The following CWC27 variants were observed in gnomAD, a reference collection of about 807,000 sequenced individuals.
The protein encoded by CWC27 is CWC27 spliceosome associated cyclophilin.
A neutral mutation model predicts 63.6 loss-of-function variants in CWC27; 47 were observed. That is an observed-to-expected ratio of 0.74 (90% CI 0.58 to 0.94). CWC27 has a LOEUF of 0.94. Ranked by LOEUF, CWC27 falls within the 40% of genes least tolerant of loss-of-function variation. The pLI, the probability that CWC27 is intolerant of heterozygous loss-of-function variation, is 0.00. For synonymous variants in CWC27, 175 were observed against 179.8 expected (o/e 0.97, Z 0.22); for missense variants, 495 against 554.3 (o/e 0.89, Z 1.07).
At chr5:64,791,813 T>C (rs1370533493) in intron 7 of CWC27, among the ~76,000 whole-genome samples, 1 of 152,170 alleles carries the variant, frequency 6.6e-6, no homozygotes, top group African/African-American at 2.4e-5. Context: ...TATTCCCTAG[T>C]GTCAATATCT....
intron 10 of CWC27, among the ~76,000 whole-genome samples, chr5:64,847,964 A>T (rs941267606): frequency 6.6e-6 from 1 of 152,058 alleles, no homozygotes; most frequent in African/African-American, 2.4e-5. Flanking sequence ...ACTCAAGGAA[A>T]TAGGAAAAAG....
intron 10 of CWC27, among the ~76,000 whole-genome samples, chr5:64,831,409 T>C (rs1436711667): frequency 6.6e-6 from 1 of 151,592 alleles, no homozygotes; most frequent in African/African-American, 2.4e-5. Context: ...TTCTTAAAGT[T>C]TTTGGCCTCA....
At chr5:64,800,193 A>T in intron 7 of CWC27, 55 bp from the exon 8 acceptor site, 1 of 1,190,460 alleles carries the variant, frequency 8.4e-7, no homozygotes, top group Non-Finnish European at 1.2e-6. Context: ...TTAACTTGTT[A>T]TTTAGGAATA....
intron 13 of CWC27, among the ~76,000 whole-genome samples, chr5:65,014,048 C>G (rs1220519788): frequency 2.0e-5 from 3 of 151,768 alleles, no homozygotes; most frequent in Non-Finnish European, 4.4e-5. Context: ...CAGTCAAGGT[C>G]TAGTCCTTTT....
intron 11 of CWC27, among the ~76,000 whole-genome samples, chr5:64,919,234 A>T (rs887984627): frequency 6.6e-6 from 1 of 152,230 alleles, no homozygotes. Context: ...ATTTGGGCCC[A>T]GTAAATTTGT....
At chr5:64,932,840 A>G (rs1748265561) in intron 11 of CWC27, among the ~76,000 whole-genome samples, 1 of 152,132 alleles carries the variant, frequency 6.6e-6, no homozygotes, top group Admixed American at 6.5e-5. Context: ...TCCTTTTTTG[A>G]CAGTATAATA....
intron 7 of CWC27, among the ~76,000 whole-genome samples, chr5:64,798,038 A>G (rs535576346): frequency 2.0e-5 from 3 of 152,270 alleles, no homozygotes; most frequent in Non-Finnish European, 4.4e-5. Context: ...ATATAGGACT[A>G]TTTCTGAAGG....
chr5:64,919,154 A>T (rs191192600), intron 11 of CWC27, among the ~76,000 whole-genome samples: 217 of 152,300 alleles, frequency 1.4e-3, no homozygotes, highest in African/African-American at 5.0e-3. Flanking sequence ...TTGTGTTTCT[A>T]TATGTATGTG....
chr5:65,018,037 C>A, intron 13 of CWC27, 122 bp from the exon 14 acceptor site: 1 of 890,730 alleles, frequency 1.1e-6, no homozygotes, highest in South Asian at 2.4e-5. Flanking sequence ...CACCAGTAAA[C>A]AACAAACCCA....
At chr5:64,861,243 G>T (rs1400850808) in intron 10 of CWC27, among the ~76,000 whole-genome samples, 1 of 151,604 alleles carries the variant, frequency 6.6e-6, no homozygotes, top group Non-Finnish European at 1.5e-5. Context: ...CAGTTATCAA[G>T]CCTCTTCTTA....
intron 13 of CWC27, among the ~76,000 whole-genome samples, chr5:64,986,732 C>T (rs143287532): frequency 6.6e-6 from 1 of 151,656 alleles, no homozygotes; most frequent in African/African-American, 2.4e-5. Context: ...TCATGCTAAT[C>T]CACACTCAGC....
intron 13 of CWC27, among the ~76,000 whole-genome samples, chr5:65,006,227 A>C (rs1337084845): frequency 6.6e-6 from 1 of 152,178 alleles, no homozygotes; most frequent in Non-Finnish European, 1.5e-5. Flanking sequence ...TTTCCAGTGA[A>C]CTAGGAATCT....
chr5:64,825,721 G>T (rs1236667263), intron 10 of CWC27, among the ~76,000 whole-genome samples: 2 of 152,140 alleles, frequency 1.3e-5, no homozygotes, highest in South Asian at 2.1e-4. Context: ...TTGATATGTT[G>T]TTAGGATGGT....
intron 10 of CWC27, among the ~76,000 whole-genome samples, chr5:64,854,015 T>C (rs984309490): frequency 6.6e-6 from 1 of 152,216 alleles, no homozygotes; most frequent in Non-Finnish European, 1.5e-5. Context: ...CTACTTTCTG[T>C]TTCTATTAAT....
chr5:64,889,003 G>T (rs1471398870), intron 11 of CWC27, among the ~76,000 whole-genome samples: 3 of 152,138 alleles, frequency 2.0e-5, no homozygotes, highest in Non-Finnish European at 4.4e-5. Context: ...TACTACTTCT[G>T]TGGTAATCTT....
At chr5:64,885,685 C>T (rs1373231390) in intron 11 of CWC27, 139 bp downstream of exon 11, 6 of 410,552 alleles carry the variant, frequency 1.5e-5, no homozygotes, top group Non-Finnish European at 2.7e-5. Flanking sequence ...TCTTTCCCTC[C>T]CTCTTGAGTT....
intron 10 of CWC27, among the ~76,000 whole-genome samples, chr5:64,842,487 A>G (rs1745871170): frequency 6.6e-6 from 1 of 152,032 alleles, no homozygotes; most frequent in South Asian, 2.1e-4. Flanking sequence ...TATTTTTAGT[A>G]GAGACGAGAT....
At chr5:64,815,206 G>A (rs1425325501) in intron 10 of CWC27, among the ~76,000 whole-genome samples, 3 of 152,024 alleles carry the variant, frequency 2.0e-5, no homozygotes, top group Non-Finnish European at 4.4e-5. Context: ...GCTATATTAG[G>A]TTATGCACCC....
intron 10 of CWC27, among the ~76,000 whole-genome samples, chr5:64,883,557 C>T (rs1184843667): frequency 1.3e-5 from 2 of 151,806 alleles, no homozygotes; most frequent in Non-Finnish European, 2.9e-5. Flanking sequence ...GTATATAAGC[C>T]TGACTGGGAT....
Sources: allele counts gnomAD v4.1 joint callset (sites outside exome capture counted in the v4.1 genomes callset), GRCh38; gene constraint gnomAD v4.1.1; transcripts MANE v1.5; gene names NCBI Gene and HGNC (gene_info 2026-07-23, HGNC 2026-07-21).